SNX29: variants seen among roughly 807,000 people sequenced by gnomAD.
The protein encoded by SNX29 is sorting nexin-29.
In SNX29, 78 loss-of-function variants were observed where a neutral mutation model predicts 102.1. The observed-to-expected ratio is 0.76, with a 90% CI of 0.64 to 0.92. SNX29 has a LOEUF of 0.92. Among genes scored for constraint, SNX29 ranks in the 40% least tolerant of loss-of-function variants. The pLI is 0.00. For missense variants in SNX29, 1,280 were observed against 1,061.7 expected (o/e 1.21, Z -2.86); for synonymous variants, 580 against 414.5 (o/e 1.40, Z -4.85).
chr16:12,300,028 G>A (rs149343383), intron 15 of SNX29, among the ~76,000 whole-genome samples: 2,616 of 152,056 alleles, frequency 0.017, 97 homozygotes, highest in African/African-American at 0.06. Flanking sequence ...CTGCCACCAC[G>A]CCTGGCTAAT....
intron 14 of SNX29, among the ~76,000 whole-genome samples, chr16:12,205,427 G>C (rs554679638): frequency 1.3e-5 from 2 of 152,294 alleles, no homozygotes; most frequent in African/African-American, 4.8e-5. Context: ...ACTTTTTGAT[G>C]ATGGCCTTCA....
At chr16:12,262,988 C>G (rs1230740904) in intron 14 of SNX29, among the ~76,000 whole-genome samples, 1 of 152,196 alleles carries the variant, frequency 6.6e-6, no homozygotes, top group East Asian at 1.9e-4. Flanking sequence ...TCAGCTCCTT[C>G]ATGTGCAGAA....
intron 10 of SNX29, among the ~76,000 whole-genome samples, chr16:12,069,427 A>T (rs2051189969): frequency 6.6e-6 from 1 of 151,794 alleles, no homozygotes; most frequent in African/African-American, 2.4e-5. Flanking sequence ...CACCATGCCT[A>T]GCTGATTTTT....
At chr16:12,349,644 T>C (rs2081939015) in intron 15 of SNX29, among the ~76,000 whole-genome samples, 1 of 152,220 alleles carries the variant, frequency 6.6e-6, no homozygotes, top group Admixed American at 6.5e-5. Context: ...AAAATACTTC[T>C]GGTCCTGAGC....
intron 15 of SNX29, among the ~76,000 whole-genome samples, chr16:12,312,239 C>T (rs1447370344): frequency 6.6e-6 from 1 of 152,202 alleles, no homozygotes; most frequent in Non-Finnish European, 1.5e-5. Flanking sequence ...TGAATGTCCC[C>T]ATCCCAGCCC....
intron 19 of SNX29, among the ~76,000 whole-genome samples, chr16:12,488,849 G>T (rs528025611): frequency 3.3e-5 from 5 of 152,282 alleles, no homozygotes; most frequent in African/African-American, 9.6e-5. Context: ...CACCAGAATT[G>T]GCCAGCTTGC....
chr16:12,548,545 C>T (rs992418640), intron 20 of SNX29, among the ~76,000 whole-genome samples: 3 of 152,152 alleles, frequency 2.0e-5, no homozygotes, highest in Non-Finnish European at 2.9e-5. Context: ...CTGGGAATTC[C>T]CTCTAGGGAT....
intron 1 of SNX29, among the ~76,000 whole-genome samples, chr16:11,978,749 A>T (rs1348274721): frequency 6.6e-6 from 1 of 152,138 alleles, no homozygotes; most frequent in Non-Finnish European, 1.5e-5. Flanking sequence ...ATAGAAATTG[A>T]TCAGTTTATC....
chr16:12,367,392 CA>C (rs2082524210), intron 16 of SNX29: 1 of 152,274 alleles, frequency 6.6e-6, no homozygotes, highest in Non-Finnish European at 1.5e-5. Context: ...CTGTCTTGCT[CA>C]ATAACACCTC....
intron 18 of SNX29, among the ~76,000 whole-genome samples, chr16:12,462,279 A>T (rs1183419707): frequency 6.6e-6 from 1 of 151,648 alleles, no homozygotes; most frequent in Non-Finnish European, 1.5e-5. Context: ...TTCCTGAAGG[A>T]TAGAGACGTG....
intron 14 of SNX29, among the ~76,000 whole-genome samples, chr16:12,200,869 G>C (rs895216345): frequency 1.3e-5 from 2 of 152,066 alleles, no homozygotes; most frequent in African/African-American, 4.8e-5. Flanking sequence ...TTTACTATAC[G>C]TACCAGGACA....
At chr16:12,508,999 G>T (rs2089495807) in intron 19 of SNX29, among the ~76,000 whole-genome samples, 1 of 152,124 alleles carries the variant, frequency 6.6e-6, no homozygotes, top group Non-Finnish European at 1.5e-5. Flanking sequence ...CCTCCGCTCA[G>T]TTCCCGGCAT....
At chr16:12,352,038 G>T (rs1172062063) in intron 15 of SNX29, among the ~76,000 whole-genome samples, 7 of 152,100 alleles carry the variant, frequency 4.6e-5, no homozygotes. Context: ...CAAGTAGAGA[G>T]GCAGGATTTC....
intron 11 of SNX29, among the ~76,000 whole-genome samples, chr16:12,080,681 A>G (rs991301261): frequency 7.4e-6 from 1 of 135,598 alleles, no homozygotes; most frequent in Admixed American, 7.3e-5. Flanking sequence ...TGCCCGGCCT[A>G]CTACAGTTTA....
In SNX29 at chr16:12,570,045, T is replaced by C. The variant is rs533677283; in HGVS notation, c.*1416T>C. 6.1e-6 allele frequency: 3 copies of C among 489,848 alleles called. No individual in the cohort carries two copies. The highest frequency in any genetic ancestry group is 1.1e-4 in the East Asian group (2 of 17,534). The allele number at this position is 489,848 out of a possible 1,614,324, so 30.3% of individuals were successfully genotyped here. A position where few individuals can be genotyped will look rare whatever the true frequency, so the allele number is the denominator to read the frequency against. On this transcript the variant is annotated 3_prime_UTR_variant, in exon 21 of 21. Coordinates refer to ENST00000566228, the MANE Select transcript of SNX29 (RefSeq NM_032167.5). ...GGTGAGCATGGAGCATCTCCTAGGC[T>C]CGAGGACATCTCTGGAGAATCATCT...
chr16:12,413,107 C>T (rs1003340698), intron 18 of SNX29, among the ~76,000 whole-genome samples: 1 of 152,142 alleles, frequency 6.6e-6, no homozygotes, highest in African/African-American at 2.4e-5. Context: ...TCTGTGGCCA[C>T]AGTTGTCACT....
intron 20 of SNX29, among the ~76,000 whole-genome samples, chr16:12,559,663 CTACCA>C (rs1555459568): frequency 4.6e-5 from 7 of 152,118 alleles, no homozygotes; most frequent in Non-Finnish European, 1.0e-4. Flanking sequence ...TTCTGCTTCT[CTACCA>C]TGGGCCTGGG....
In SNX29 at chr16:12,096,604, T is replaced by C. The variant is rs2052777484; in HGVS notation, c.1402+17689T>C. ...AGAGCATTCTAGTGGAGTTTTATGG[T>C]AATAAAGAAATGATGAATGATTGGA... On this transcript the variant is annotated intron_variant, in intron 11 of 20. Coordinates refer to ENST00000566228, the MANE Select transcript of SNX29 (RefSeq NM_032167.5). The surrounding 1 kb of genome is among the most constrained non-coding windows in gnomAD (Gnocchi z 4.2). 6.6e-6 allele frequency among the ~76,000 whole-genome samples: 1 copy of C among 152,076 alleles called. No homozygotes were observed. The highest frequency in any genetic ancestry group is 1.5e-5 in the Non-Finnish European group (1 of 68,026).
At chr16:12,275,900 T>C (rs1332108074) in intron 14 of SNX29, among the ~76,000 whole-genome samples, 1 of 143,718 alleles carries the variant, frequency 7.0e-6, no homozygotes, top group Non-Finnish European at 1.5e-5. Context: ...TTTTTTTTTT[T>C]TTGGGGGGCG....
Sources: allele counts gnomAD v4.1 joint callset (sites outside exome capture counted in the v4.1 genomes callset), GRCh38; gene constraint gnomAD v4.1.1; non-coding constraint Gnocchi (gnomAD v3.1); transcripts MANE v1.5; gene names NCBI Gene and HGNC (gene_info 2026-07-23, HGNC 2026-07-21).